HSPA4: variants seen among roughly 807,000 people sequenced by gnomAD.
HSPA4 encodes heat shock protein family A (Hsp70) member 4, also known as heat shock 70 kDa protein 4.
A neutral mutation model predicts 106.2 loss-of-function variants in HSPA4; 25 were observed. The observed-to-expected ratio is 0.24, with a 90% CI of 0.17 to 0.33. HSPA4 has a LOEUF of 0.33. Ranked by LOEUF, HSPA4 falls within the 10% of genes least tolerant of loss-of-function variation. The probability of loss-of-function intolerance (pLI) is 1.00; values close to 1 mark genes in which losing one functional copy is unlikely to be tolerated. For missense variants in HSPA4, 841 were observed against 996.0 expected, an observed-to-expected ratio of 0.84 and a Z score of 2.10; for synonymous variants, 332 against 333.6, an observed-to-expected ratio of 1.00 and a Z score of 0.05.
chr5:133,066,208 A>G (rs764845467), intron 2 of HSPA4, among the ~76,000 whole-genome samples: 39 of 152,300 alleles, frequency 2.6e-4, no homozygotes, highest in Non-Finnish European at 4.4e-4. Flanking sequence ...ATTGTGTTAC[A>G]GAGTTTCTGT....
chr5:133,075,384 T>G (rs1192194147), intron 6 of HSPA4, among the ~76,000 whole-genome samples: 1 of 152,248 alleles, frequency 6.6e-6, no homozygotes, highest in African/African-American at 2.4e-5. Context: ...CTTCTGTTTT[T>G]CTAAATTGTC....
intron 14 of HSPA4, 68 bp downstream of exon 14, chr5:133,096,318 T>G: frequency 7.0e-7 from 1 of 1,437,752 alleles, no homozygotes; most frequent in Non-Finnish European, 9.6e-7. Context: ...TCAGACTCTG[T>G]GTCTAGTGAC....
chr5:133,082,792 A>G (rs1220849300), intron 7 of HSPA4, among the ~76,000 whole-genome samples: 5 of 152,238 alleles, frequency 3.3e-5, no homozygotes, highest in East Asian at 1.9e-4. Flanking sequence ...GGTGAATTCT[A>G]TAGCATGTAA....
At chr5:133,091,110 A>G (rs776104302) in intron 11 of HSPA4, 83 bp from the exon 12 acceptor site, 5 of 1,135,246 alleles carry the variant, frequency 4.4e-6, no homozygotes, top group Non-Finnish European at 6.7e-6. Context: ...GAAAGTAGAC[A>G]TAATCTAGCA....
At position 133,076,905 on chromosome 5, in the gene HSPA4, A is replaced by G. The variant is rs770743438; in HGVS notation, c.908+7A>G. The G allele has an allele frequency of 2.5e-6, 4 of 1,593,608 alleles. No individual in the cohort carries two copies. The highest frequency in any genetic ancestry group is 3.4e-6 in the Non-Finnish European group (4 of 1,163,476). On this transcript the variant is annotated splice_region_variant and intron_variant, in intron 7 of 18. Transcript: ENST00000304858. ...TATCTGGAACTATGAATAGGTAAGT[A>G]TATTACTATTTCGATGTTAAAGTGA... is the stretch of plus-strand genomic sequence containing the variant.
At chr5:133,063,385 T>C (rs1389420733) in intron 1 of HSPA4, among the ~76,000 whole-genome samples, 1 of 152,062 alleles carries the variant, frequency 6.6e-6, no homozygotes, top group Non-Finnish European at 1.5e-5. Flanking sequence ...TCCCAAAACG[T>C]TGGGATTACA....
chr5:133,074,161 T>C (rs1254010232), intron 6 of HSPA4, 35 bp downstream of exon 6: 1 of 1,434,524 alleles, frequency 7.0e-7, no homozygotes, highest in Non-Finnish European at 9.5e-7. Flanking sequence ...AGACTGTTAG[T>C]AGTATGGTAA....
intron 8 of HSPA4, among the ~76,000 whole-genome samples, chr5:133,088,102 C>G (rs1199724309): frequency 6.6e-6 from 1 of 152,032 alleles, no homozygotes; most frequent in Admixed American, 6.6e-5. Context: ...TGTTTTAACA[C>G]TTGTTTGTGT....
chr5:133,085,454 C>G (rs1274591454), intron 7 of HSPA4, among the ~76,000 whole-genome samples: 1 of 139,780 alleles, frequency 7.2e-6, no homozygotes, highest in African/African-American at 2.9e-5. Context: ...GAGTTCAAGA[C>G]CAGCCTGACC....
At chr5:133,095,092 C>G (rs1282009479) in intron 13 of HSPA4, among the ~76,000 whole-genome samples, 1 of 152,094 alleles carries the variant, frequency 6.6e-6, no homozygotes, top group South Asian at 2.1e-4. Context: ...AGCGGATCAC[C>G]TAAGGTCAGG....
chr5:133,073,796 C>CT (rs1183630339), intron 5 of HSPA4, among the ~76,000 whole-genome samples, 197 bp from the exon 6 acceptor site: 1 of 152,186 alleles, frequency 6.6e-6, no homozygotes, highest in African/African-American at 2.4e-5. Context: ...GTAAGGAAGT[C>CT]TAAGTGAATA....
chr5:133,079,844 T>C (rs1765491891), intron 7 of HSPA4, among the ~76,000 whole-genome samples: 1 of 152,212 alleles, frequency 6.6e-6, no homozygotes, highest in Admixed American at 6.5e-5. Flanking sequence ...TGGTTGGAAG[T>C]GCATTCTCCT....
intron 4 of HSPA4, among the ~76,000 whole-genome samples, chr5:133,072,419 G>A (rs1241809883): frequency 4.2e-5 from 3 of 71,266 alleles, no homozygotes; most frequent in African/African-American, 1.8e-4. Flanking sequence ...TTTTTTTGGA[G>A]ACTGAGTTTC....
In HSPA4 at chr5:133,098,467, A is replaced by G. The variant is rs113744900; in HGVS notation, c.1930-1078A>G. Among the ~76,000 whole-genome samples the G allele has an allele frequency of 1.5e-3, 212 of 144,698 alleles. 1 individual carries two copies. The highest frequency in any genetic ancestry group is 7.1e-3 in the Middle Eastern group (2 of 280). 94.9% of individuals were successfully genotyped at this position (144,698 alleles called of 152,430 possible). On this transcript the variant is annotated intron_variant, in intron 15 of 18. Coordinates refer to ENST00000304858, the MANE Select transcript of HSPA4 (RefSeq NM_002154.4). ...GCCGGGAGTACAGGTGCCTGCTACC[A>G]CGCCTGGCTAATTTTTTTTTTTTTT... is the stretch of plus-strand genomic sequence containing the variant.
intron 3 of HSPA4, among the ~76,000 whole-genome samples, chr5:133,067,779 G>A (rs923695747): frequency 2.0e-5 from 3 of 152,040 alleles, no homozygotes; most frequent in African/African-American, 7.2e-5. Flanking sequence ...GACCTGGGTA[G>A]TGATGGTTTG....
In HSPA4 at chr5:133,052,265, C is replaced by T; in HGVS notation, c.15C>T (p.Gly5=). 1.3e-6 allele frequency: 2 copies of T among 1,592,544 alleles called. No individual in the cohort carries two copies. Among genetic ancestry groups the T allele is most frequent in the Non-Finnish European group, 1.7e-6 (2 of 1,172,842 alleles). ...TAGCCGGCGCCATGTCGGTGGTGGG[C>T]ATAGACCTGGGCTTCCAGAGCTGCT... The part of the protein sequence containing the change: MSVV[G]IDLGFQSCYV... The change falls in exon 1 of 19, where the codon GGC becomes GGT. Residue 5 remains glycine (G), a synonymous_variant. Coordinates refer to ENST00000304858, the MANE Select transcript of HSPA4 (RefSeq NM_002154.4).
intron 1 of HSPA4, chr5:133,052,862 C>G (rs1267905614): frequency 6.5e-6 from 1 of 152,994 alleles, no homozygotes; most frequent in Admixed American, 6.5e-5. Flanking sequence ...GGGCAGCGCC[C>G]GGAAGAGAGC....
chr5:133,089,352 T>A (rs1581477335), intron 10 of HSPA4, among the ~76,000 whole-genome samples, 191 bp downstream of exon 10: 5 of 152,294 alleles, frequency 3.3e-5, no homozygotes, highest in Admixed American at 3.3e-4. Flanking sequence ...TCTGCTGAAA[T>A]CATCAGTGCC....
intron 15 of HSPA4, among the ~76,000 whole-genome samples, chr5:133,097,492 A>G (rs1561586511): frequency 6.6e-6 from 1 of 151,910 alleles, no homozygotes; most frequent in East Asian, 1.9e-4. Context: ...TCACGTTCAC[A>G]AATCACTTTT....
Sources: gnomAD v4.1 joint callset for allele counts (sites outside exome capture counted in the v4.1 genomes callset) on GRCh38, gnomAD v4.1.1 for gene constraint, MANE v1.5 for transcripts, NCBI Gene and HGNC (gene_info 2026-07-23, HGNC 2026-07-21) for gene names.